Variants in TRDMT1 observed in about 807,000 individuals in gnomAD.
TRDMT1 encodes the protein tRNA aspartic acid methyltransferase 1, also known as tRNA (cytosine(38)-C(5))-methyltransferase.
In TRDMT1, 49 loss-of-function variants were observed where a neutral mutation model predicts 51.2. The observed-to-expected ratio is 0.96, with a 90% CI of 0.76 to 1.21. The LOEUF (loss-of-function observed/expected upper bound fraction) is 1.21. Among genes scored for constraint, TRDMT1 ranks in the 50% most tolerant of loss-of-function variants. The pLI is 0.00. For missense variants in TRDMT1, 534 were observed against 462.3 expected, an observed-to-expected ratio of 1.16 and a Z score of -1.42; for synonymous variants, 187 against 164.6, an observed-to-expected ratio of 1.14 and a Z score of -1.04.
chr10:17,153,412 C>A, intron 10 of TRDMT1, 95 bp downstream of exon 10: 1 of 1,411,366 alleles, frequency 7.1e-7, no homozygotes, highest in Non-Finnish European at 9.7e-7. Flanking sequence ...GTTTCTTGAG[C>A]CCATTTGTTT....
intron 10 of TRDMT1, chr10:17,151,533 T>G: frequency 1.0e-6 from 1 of 985,448 alleles, no homozygotes; most frequent in Non-Finnish European, 1.2e-6. Flanking sequence ...GAGGGACAGT[T>G]GTGTCACGGT....
In TRDMT1 at chr10:17,143,441, C is replaced by G; in HGVS notation, c.*5599G>C. On this transcript the variant is annotated 3_prime_UTR_variant, in exon 11 of 11. Transcript: ENST00000377799. ...CAGCTCTTAAATATGAAAGTCAACT[C>G]ATTTCTACTACACAAGGAGTATCAC... The G allele has an allele frequency of 9.1e-6, 9 of 985,436 alleles. No individual in the cohort carries two copies. Among genetic ancestry groups the G allele is most frequent in the Non-Finnish European group, 1.1e-5 (9 of 829,920 alleles). The allele number at this position is 985,436 out of a possible 1,614,324, so 61.0% of individuals were successfully genotyped here.
At chr10:17,169,354 G>C (rs1294178335) in intron 2 of TRDMT1, 1 of 1,222,370 alleles carries the variant, frequency 8.2e-7, no homozygotes, top group Non-Finnish European at 1.0e-6. Flanking sequence ...ATGCAGACCA[G>C]TCACCATCCC....
At position 17,142,474 on chromosome 10, in the gene TRDMT1, A is replaced by G. The variant is rs1165844546; in HGVS notation, c.*6566T>C. The G allele has an allele frequency of 6.6e-6, 1 of 152,186 alleles. No individual in the cohort carries two copies. Among genetic ancestry groups the G allele is most frequent in the Non-Finnish European group, 1.5e-5 (1 of 68,064 alleles). The allele number at this position is 152,186 out of a possible 1,614,324, so 9.4% of individuals were successfully genotyped here. A position where few individuals can be genotyped will look rare whatever the true frequency, so the allele number is the denominator to read the frequency against. On this transcript the variant is annotated 3_prime_UTR_variant, in exon 11 of 11. Coordinates refer to ENST00000377799, the MANE Select transcript of TRDMT1 (RefSeq NM_004412.7). ...AGGATTTTCTCCCAAGCCAGGTCCC[A>G]TGGTATCTCTGGGAGAAGGGAGTCT...
Position 17,159,204 on chromosome 10 carries a change from C to T in TRDMT1, c.485G>A (p.Arg162Gln), listed in dbSNP as rs373841689. 12 of 1,601,920 alleles carry T rather than the reference C, an allele frequency of 7.5e-6. No individual in the cohort carries two copies. Among genetic ancestry groups the T allele is most frequent in the Middle Eastern group, 1.7e-4 (1 of 6,004 alleles). ...CTGAAGCTTTGCAATAAGAAAATATCGTAGCCTTGAATTTGGAATGCCAAG... is the reference window on the plus strand; with the variant it reads ...CTGAAGCTTTGCAATAAGAAAATATTGTAGCCTTGAATTTGGAATGCCAAG... ...TSLGIPNSRL[R>Q]YFLIAKLQSE... is the part of the protein sequence containing the mutation. Residue 162 changes from arginine to glutamine, a missense_variant, in exon 7 of 11, where the codon CGA (arginine) becomes CAA (glutamine). Arg to Gln is a conservative substitution (Grantham distance 43). Transcript: ENST00000377799.
intron 1 of TRDMT1, among the ~76,000 whole-genome samples, chr10:17,189,695 T>C (rs1307409123): frequency 1.3e-5 from 2 of 152,192 alleles, no homozygotes; most frequent in African/African-American, 2.4e-5. Context: ...AAGTTTAGCA[T>C]AGTTTTAAAA....
intron 8 of TRDMT1, among the ~76,000 whole-genome samples, chr10:17,156,229 C>G (rs1390727161): frequency 2.0e-5 from 3 of 151,278 alleles, no homozygotes; most frequent in Non-Finnish European, 2.9e-5. Context: ...AGATCCTTGG[C>G]AAAATTTTTC....
chr10:17,183,559 A>G (rs904266350), intron 1 of TRDMT1, among the ~76,000 whole-genome samples: 2 of 152,134 alleles, frequency 1.3e-5, no homozygotes, highest in East Asian at 3.9e-4. Context: ...CTGAGACTAC[A>G]GGTGTGTGCC....
intron 1 of TRDMT1, among the ~76,000 whole-genome samples, chr10:17,190,606 C>T (rs1844561512): frequency 6.6e-6 from 1 of 152,092 alleles, no homozygotes; most frequent in African/African-American, 2.4e-5. Flanking sequence ...TCATGTATTA[C>T]AGAAAAATAT....
chr10:17,143,019 C>G lies in TRDMT1; in HGVS notation c.*6021G>C. The G allele has an allele frequency of 1.0e-6, 1 of 985,408 alleles. No homozygotes were observed. Among genetic ancestry groups the G allele is most frequent in the Non-Finnish European group, 1.2e-6 (1 of 829,924 alleles). 61.0% of individuals were successfully genotyped at this position (985,408 alleles called of 1,614,324 possible). On this transcript the variant is annotated 3_prime_UTR_variant, in exon 11 of 11. Coordinates refer to ENST00000377799, the MANE Select transcript of TRDMT1 (RefSeq NM_004412.7). ...AAAAAGTTTTATTTGCGCTACTTTCCAAAAGCCAAAAGCCTATCCCAGAAT... is the reference window on the plus strand; with the variant it reads ...AAAAAGTTTTATTTGCGCTACTTTCGAAAAGCCAAAAGCCTATCCCAGAAT...
chr10:17,169,551 A>G (rs1341350591), intron 2 of TRDMT1: 1 of 1,288,666 alleles, frequency 7.8e-7, no homozygotes, highest in East Asian at 5.5e-5. Context: ...TATATCTCAG[A>G]AGACAAACAC....
rs937463390 is a variant in TRDMT1, at chr10:17,147,238, A to G, written c.*1802T>C. On this transcript the variant is annotated 3_prime_UTR_variant, in exon 11 of 11. Transcript: ENST00000377799. ...AAATAATTTGTGATTGTTTACTGAA[A>G]TTTATGAGACTTGTAATAGGCTCTG... 8 of 985,830 alleles carry G rather than the reference A, an allele frequency of 8.1e-6. No homozygotes were observed. The highest frequency in any genetic ancestry group is 7.2e-6 in the Non-Finnish European group (6 of 829,942). The allele number at this position is 985,830 out of a possible 1,614,324, so 61.1% of individuals were successfully genotyped here.
At chr10:17,181,771 T>G (rs1470879502) in intron 1 of TRDMT1, among the ~76,000 whole-genome samples, 1 of 152,206 alleles carries the variant, frequency 6.6e-6, no homozygotes, top group African/African-American at 2.4e-5. Context: ...ATAGTGCTAT[T>G]GTCAGGCAGT....
At chr10:17,151,378 C>G in intron 10 of TRDMT1, 2 of 985,110 alleles carry the variant, frequency 2.0e-6, no homozygotes, top group Non-Finnish European at 2.4e-6. Context: ...TTCAAAAGCC[C>G]GCTACCGCAG....
In TRDMT1 at chr10:17,159,188, T is replaced by G. The variant is rs1839961916; in HGVS notation, c.501A>C (p.Ala167=). The change falls in exon 7 of 11, where the codon GCA becomes GCC. Residue 167 remains alanine, a synonymous_variant. Transcript: ENST00000377799. The part of the protein sequence containing the change: ...PNSRLRYFLI[A]KLQSEPLPFQ... ...AGGGTAATGGCTCTGACTGAAGCTTTGCAATAAGAAAATATCGTAGCCTTG... is the reference window on the plus strand; with the variant it reads ...AGGGTAATGGCTCTGACTGAAGCTTGGCAATAAGAAAATATCGTAGCCTTG... The G allele has an allele frequency of 6.2e-7, 1 of 1,604,022 alleles. No individual in the cohort carries two copies. The highest frequency in any genetic ancestry group is 8.5e-7 in the Non-Finnish European group (1 of 1,174,794).
rs1039330729 is a variant in TRDMT1 at position 17,143,829 on chromosome 10, G to A, written c.*5211C>T. 2.0e-6 allele frequency: 2 copies of A among 985,310 alleles called. No homozygotes were observed. Among genetic ancestry groups the A allele is most frequent in the Non-Finnish European group, 2.4e-6 (2 of 829,940 alleles). The allele number at this position is 985,310 out of a possible 1,614,324, so 61.0% of individuals were successfully genotyped here. ...GTTATGAAGCTTGAACTTGGAAGATGTGGAGACTAACCGTACCATAAATAT... is the reference window on the plus strand; with the variant it reads ...GTTATGAAGCTTGAACTTGGAAGATATGGAGACTAACCGTACCATAAATAT... On this transcript the variant is annotated 3_prime_UTR_variant, in exon 11 of 11. Coordinates refer to ENST00000377799, the MANE Select transcript of TRDMT1 (RefSeq NM_004412.7).
At chr10:17,176,794 A>G (rs1052121539) in intron 1 of TRDMT1, among the ~76,000 whole-genome samples, 1 of 152,204 alleles carries the variant, frequency 6.6e-6, no homozygotes. Context: ...TCCAAAGACT[A>G]GTTGCCTTGA....
intron 6 of TRDMT1, among the ~76,000 whole-genome samples, 175 bp from the exon 7 acceptor site, chr10:17,159,404 A>G (rs1277280570): frequency 1.3e-5 from 2 of 152,286 alleles, no homozygotes; most frequent in East Asian, 3.9e-4. Flanking sequence ...ATTTTAAACT[A>G]TTAAGTTGCT....
chr10:17,157,735 G>A lies in TRDMT1; in HGVS notation c.593C>T (p.Ala198Val), dbSNP rs200204830. The A allele has an allele frequency of 6.2e-7, 1 of 1,609,642 alleles. No individual in the cohort carries two copies. The highest frequency in any genetic ancestry group is 2.2e-5 in the East Asian group (1 of 44,844). The change falls in exon 8 of 11, where the codon GCA (alanine) becomes GTA (valine). Residue 198 changes from alanine (A) to valine (V), a missense_variant. Physicochemically the swap from Ala to Val is moderately conservative, Grantham distance 64 (BLOSUM62 0). Coordinates refer to ENST00000377799, the MANE Select transcript of TRDMT1 (RefSeq NM_004412.7). ...KIESVHPQKYAMDVENKIQEK... is the reference protein window; with the variant it reads ...KIESVHPQKYVMDVENKIQEK... The stretch of plus-strand genomic sequence containing the variant: ...TTGAATTTTATTTTCTACATCCATT[G>A]CATATTTTTGTGGATGTACAGATTC...
Sources: gnomAD v4.1 joint callset for allele counts (sites outside exome capture counted in the v4.1 genomes callset) on GRCh38, gnomAD v4.1.1 for gene constraint, MANE v1.5 for transcripts, NCBI Gene and HGNC (gene_info 2026-07-23, HGNC 2026-07-21) for gene names.